Variants in PCDHGB4 observed in about 807,000 individuals in gnomAD.
PCDHGB4 encodes the protein protocadherin gamma-B4.
Under a neutral mutation model 60.5 loss-of-function variants are expected in PCDHGB4, and 38 were observed. The observed-to-expected ratio is 0.63, with a 90% CI of 0.48 to 0.82. The LOEUF is 0.82. Among genes scored for constraint, PCDHGB4 ranks in the 40% least tolerant of loss-of-function variants. The pLI is 0.00. For missense variants in PCDHGB4, 1,109 were observed against 1,209.6 expected (o/e 0.92, Z 1.23); for synonymous variants, 456 against 509.7 (o/e 0.89, Z 1.42).
chr5:141,403,956 T>A (rs375951516), intron 1 of PCDHGB4: 6 of 1,613,884 alleles, frequency 3.7e-6, no homozygotes, highest in Non-Finnish European at 5.1e-6. Flanking sequence ...AAAGTGCTCA[T>A]TTCGGTGGAA....
Position 141,420,413 on chromosome 5 carries a change from A to G in PCDHGB4, c.2397+30132A>G, listed in dbSNP as rs191893876. 4 of 1,222,394 alleles carry G rather than the reference A, an allele frequency of 3.3e-6. No individual in the cohort carries two copies. In the Admixed American group the frequency reaches 1.1e-4, roughly 33 times the overall value. 75.7% of individuals were successfully genotyped at this position (1,222,394 alleles called of 1,614,324 possible). A position where few individuals can be genotyped will look rare whatever the true frequency, so the allele number is the denominator to read the frequency against. ...ATAGGTCAAATTTATGGTTATCATT[A>G]TTAAAACAAAAGTTTAAATTAAATG... On this transcript the variant is annotated intron_variant, in intron 1 of 3. Transcript: ENST00000519479.
At chr5:141,483,487 A>G (rs777951096) in intron 1 of PCDHGB4, among the ~76,000 whole-genome samples, 4 of 152,006 alleles carry the variant, frequency 2.6e-5, no homozygotes, top group Non-Finnish European at 5.9e-5. Context: ...AGTGAGGGAC[A>G]GGGATGAGTC....
chr5:141,504,963 AC>A (rs1409940135), intron 2 of PCDHGB4, among the ~76,000 whole-genome samples: 1 of 152,038 alleles, frequency 6.6e-6, no homozygotes, highest in Non-Finnish European at 1.5e-5. Context: ...AATGCATTGG[AC>A]CAGCCTGGCC....
intron 1 of PCDHGB4, among the ~76,000 whole-genome samples, chr5:141,472,357 C>T (rs1020143523): frequency 2.4e-4 from 37 of 152,012 alleles, no homozygotes; most frequent in Non-Finnish European, 1.5e-4. Context: ...CTGGCTAACA[C>T]GGTGAAACCC....
intron 1 of PCDHGB4, chr5:141,419,370 A>G (rs1460064670): frequency 1.9e-6 from 3 of 1,613,574 alleles, no homozygotes; most frequent in African/African-American, 2.7e-5. Context: ...CTGTCGTCCT[A>G]CGTGTCCGTG....
In PCDHGB4 at chr5:141,388,635, C is replaced by A. The variant is rs1441074974; in HGVS notation, c.751C>A (p.Leu251Ile). The A allele has an allele frequency of 4.3e-6, 7 of 1,613,896 alleles. No homozygotes were observed. The highest frequency in any genetic ancestry group is 5.9e-6 in the Non-Finnish European group (7 of 1,179,864). The change falls in exon 1 of 4, where the codon CTT (leucine) becomes ATT (isoleucine). Residue 251 changes from leucine to isoleucine, a missense_variant. Transcript: ENST00000519479. Reference protein sequence around the residue: ...VFSQDVYRVSLSENVYPGTTV... With the variant: ...VFSQDVYRVSISENVYPGTTV... ...CAGTCAAGACGTATACAGGGTGAGC[C>A]TTTCAGAAAACGTGTACCCGGGGAC...
chr5:141,400,803 A>G, intron 1 of PCDHGB4: 1 of 556,958 alleles, frequency 1.8e-6, no homozygotes, highest in South Asian at 2.5e-5. Context: ...CTCAAAGCTA[A>G]TGAATTTTAC....
intron 1 of PCDHGB4, chr5:141,427,503 A>C (rs1317684577): frequency 6.9e-6 from 4 of 578,118 alleles, no homozygotes; most frequent in Non-Finnish European, 9.8e-6. Flanking sequence ...AACAGATGGG[A>C]CCCTGGATTG....
In PCDHGB4 at chr5:141,490,692, G is replaced by C. The variant is rs751109998; in HGVS notation, c.2398-4115G>C. 16 of 1,614,154 alleles carry C rather than the reference G, an allele frequency of 9.9e-6. 1 individual carries two copies. The Middle Eastern group carries it at 6.6e-4, about 67-fold the overall frequency. ...TGGCTGCCTCAGATCCAGACACTGG[G>C]GATAATGCCCGCCTCACCTACTCCA... On this transcript the variant is annotated intron_variant, in intron 1 of 3. Transcript: ENST00000519479. This position sits in a 1 kb window ranked among gnomAD's most constrained non-coding sequence, Gnocchi z 5.4.
intron 1 of PCDHGB4, among the ~76,000 whole-genome samples, chr5:141,436,292 G>T (rs2097808605): frequency 6.6e-6 from 1 of 152,158 alleles, no homozygotes; most frequent in Non-Finnish European, 1.5e-5. Context: ...ACAAATCATT[G>T]AGAGTTAGAG....
chr5:141,398,689 G>A (rs6867460), intron 1 of PCDHGB4: 228,699 of 1,613,720 alleles, frequency 0.14, 18,438 homozygotes, highest in African/African-American at 0.32. Context: ...GAAACAGGAT[G>A]GTAGTAAATA....
chr5:141,426,829 A>G, intron 1 of PCDHGB4: 2 of 456,716 alleles, frequency 4.4e-6, no homozygotes, highest in South Asian at 3.1e-5. Context: ...CTGATGATGG[A>G]CAAGACTAAA....
chr5:141,393,588 A>G, intron 1 of PCDHGB4: 1 of 1,613,924 alleles, frequency 6.2e-7, no homozygotes. Context: ...GCCCCCAGGC[A>G]CGCGGCTGCT....
In PCDHGB4 at chr5:141,388,444, A is replaced by G. The variant is rs1034138913; in HGVS notation, c.560A>G (p.Asp187Gly). 28 of 1,613,890 alleles carry G rather than the reference A, an allele frequency of 1.7e-5. No individual in the cohort carries two copies. Among genetic ancestry groups the G allele is most frequent in the Non-Finnish European group, 2.4e-5 (28 of 1,179,886 alleles). Reference sequence around the variant, plus strand: ...TCACTGATAAATAAAGAGAAATCAGATGGCAGTAAATACCCTGAGATGGTA... The same window carrying G: ...TCACTGATAAATAAAGAGAAATCAGGTGGCAGTAAATACCCTGAGATGGTA... Reference protein sequence around the residue: ...HFSLINKEKSDGSKYPEMVLK... With the variant: ...HFSLINKEKSGGSKYPEMVLK... The change falls in exon 1 of 4, where the codon GAT (aspartate) becomes GGT (glycine). Residue 187 changes from aspartate to glycine, a missense_variant. By Grantham distance (94) the Asp-to-Gly change is moderately conservative (BLOSUM62 -1). Transcript: ENST00000519479.
intron 1 of PCDHGB4, among the ~76,000 whole-genome samples, chr5:141,402,192 CTT>C (rs1205831935): frequency 6.6e-6 from 1 of 152,006 alleles, no homozygotes; most frequent in Non-Finnish European, 1.5e-5. Flanking sequence ...ATTAATATTA[CTT>C]TTATAATACA....
At chr5:141,419,452 G>T (rs1590172506) in intron 1 of PCDHGB4, 1 of 1,612,754 alleles carries the variant, frequency 6.2e-7, no homozygotes, top group Non-Finnish European at 8.5e-7. Flanking sequence ...TCGAGCTCAC[G>T]CTGCAGGCCC....
At chr5:141,496,011 T>G (rs1232125559) in intron 2 of PCDHGB4, among the ~76,000 whole-genome samples, 1 of 152,114 alleles carries the variant, frequency 6.6e-6, no homozygotes, top group African/African-American at 2.4e-5. Flanking sequence ...ATCTTGTCTT[T>G]TTTCTCTGAG....
At chr5:141,399,148 C>T (rs2150776580) in intron 1 of PCDHGB4, 2 of 1,613,684 alleles carry the variant, frequency 1.2e-6, no homozygotes, top group Non-Finnish European at 1.7e-6. Context: ...TGACAATAGC[C>T]CAGAAGTTAC....
intron 1 of PCDHGB4, chr5:141,426,560 G>A (rs1358683534): frequency 5.7e-6 from 2 of 352,756 alleles, no homozygotes; most frequent in South Asian, 2.1e-5. Flanking sequence ...AGAATAGATC[G>A]AGAGTCACTG....
Sources: gnomAD v4.1 joint callset for allele counts (sites outside exome capture counted in the v4.1 genomes callset) on GRCh38, gnomAD v4.1.1 for gene constraint, Gnocchi (gnomAD v3.1) non-coding constraint, MANE v1.5 for transcripts, NCBI Gene and HGNC (gene_info 2026-07-23, HGNC 2026-07-21) for gene names.